The following RALGPS2 variants were observed in gnomAD, a reference collection of about 807,000 sequenced individuals.
RALGPS2 encodes Ral GEF with PH domain and SH3 binding motif 2, also known as ras-specific guanine nucleotide-releasing factor RalGPS2.
A neutral mutation model predicts 86.8 loss-of-function variants in RALGPS2; 43 were observed. That is an observed-to-expected ratio of 0.50 (90% CI 0.39 to 0.64). The LOEUF (loss-of-function observed/expected upper bound fraction) is 0.64, where lower values mean the gene tolerates loss of function less well. Ranked by LOEUF, RALGPS2 falls within the 30% of genes least tolerant of loss-of-function variation. RALGPS2 has a pLI of 0.00. For synonymous variants in RALGPS2, 243 were observed against 231.3 expected, an observed-to-expected ratio of 1.05 and a Z score of -0.46; for missense variants, 536 against 694.6, an observed-to-expected ratio of 0.77 and a Z score of 2.57.
intron 8 of RALGPS2, among the ~76,000 whole-genome samples, chr1:178,872,478 G>T (rs897959308): frequency 3.9e-5 from 6 of 152,184 alleles, no homozygotes; most frequent in African/African-American, 1.4e-4. Flanking sequence ...CACCTTCTCA[G>T]CTGTGCTTGT....
Position 178,885,964 on chromosome 1 carries a change from TCTAG to T in RALGPS2, c.1041-4_1041-1del. 6.3e-7 allele frequency: 1 copy of T among 1,578,058 alleles called. No homozygotes were observed. Among genetic ancestry groups the T allele is most frequent in the Non-Finnish European group, 8.6e-7 (1 of 1,165,876 alleles). On this transcript the variant is annotated splice_acceptor_variant and splice_polypyrimidine_tract_variant and intron_variant, in intron 12 of 19. Coordinates refer to ENST00000367635, the MANE Select transcript of RALGPS2 (RefSeq NM_152663.5). LOFTEE classifies it high-confidence loss of function. ...AAAGATATGAACTTTTTTTTCTGTT[TCTAG>T]TTTCATTCATAAAATGAACACAGCA...
In RALGPS2 at chr1:178,725,254, C is replaced by T; in HGVS notation, c.-249C>T. Reference sequence around the variant, plus strand: ...GGGTGGTTCCAGCTCACTCTCCTCCCCCGAGCGGCAGCGGCGGCGGCGGCG... The same window carrying T: ...GGGTGGTTCCAGCTCACTCTCCTCCTCCGAGCGGCAGCGGCGGCGGCGGCG... On this transcript the variant is annotated 5_prime_UTR_variant, in exon 1 of 20. Transcript: ENST00000367635. The T allele has an allele frequency of 8.4e-6, 1 of 118,662 alleles. No homozygotes were observed. The highest frequency in any genetic ancestry group is 1.5e-5 in the Non-Finnish European group (1 of 65,052). The allele number at this position is 118,662 out of a possible 1,614,324, so 7.4% of individuals were successfully genotyped here. A position where few individuals can be genotyped will look rare whatever the true frequency, so the allele number is the denominator to read the frequency against.
rs563099792 is a variant in RALGPS2 at position 178,745,044 on chromosome 1, A to G, written c.-84+19625A>G. The stretch of plus-strand genomic sequence containing the variant: ...TTGGAAATTGAAATGTAATAAAACC[A>G]GTACTATTGATAATAGTATCAGATA... On this transcript the variant is annotated intron_variant, in intron 1 of 19. Transcript: ENST00000367635. 1.9e-3 allele frequency among the ~76,000 whole-genome samples: 289 copies of G among 152,338 alleles called. 1 individual carries two copies. The highest frequency in any genetic ancestry group is 6.6e-3 in the African/African-American group (274 of 41,572).
In RALGPS2 at chr1:178,921,710, C is replaced by G. The variant is rs1647330201; in HGVS notation, c.*5351C>G. 1 of 152,050 alleles carries G rather than the reference C, an allele frequency of 6.6e-6. No homozygotes were observed. The highest frequency in any genetic ancestry group is 2.1e-4 in the South Asian group (1 of 4,832). The allele number at this position is 152,050 out of a possible 1,614,324, so 9.4% of individuals were successfully genotyped here. A position where few individuals can be genotyped will look rare whatever the true frequency, so the allele number is the denominator to read the frequency against. The stretch of plus-strand genomic sequence containing the variant: ...GAGTGATGTGCAGCTTGGTTCCTCT[C>G]TCACTTTTTGTTTCTTTTTAATATG... On this transcript the variant is annotated 3_prime_UTR_variant, in exon 20 of 20. Coordinates refer to ENST00000367635, the MANE Select transcript of RALGPS2 (RefSeq NM_152663.5).
intron 16 of RALGPS2, among the ~76,000 whole-genome samples, chr1:178,896,911 G>C (rs531167923): frequency 2.0e-5 from 3 of 149,566 alleles, no homozygotes; most frequent in Admixed American, 2.0e-4. Flanking sequence ...GAATAATGCC[G>C]CAATAAACAT....
intron 2 of RALGPS2, among the ~76,000 whole-genome samples, chr1:178,783,045 A>G (rs1296856695): frequency 6.6e-6 from 1 of 152,208 alleles, no homozygotes. Context: ...AGATTTCACA[A>G]TTATCAGACT....
Position 178,877,600 on chromosome 1 carries a change from G to A in RALGPS2, c.710G>A (p.Arg237Gln). ...TCAAATTTAATGAATAATATCCTTCGAATAATTTCTGATTTACAGCAGTCT... is the reference window on the plus strand; with the variant it reads ...TCAAATTTAATGAATAATATCCTTCAAATAATTTCTGATTTACAGCAGTCT... ...QRSNLMNNIL[R>Q]IISDLQQSCE... Residue 237 changes from arginine to glutamine, a missense_variant, in exon 9 of 20, where the codon CGA (arginine) becomes CAA (glutamine). Coordinates refer to ENST00000367635, the MANE Select transcript of RALGPS2 (RefSeq NM_152663.5). 1 of 1,613,210 alleles carries A rather than the reference G, an allele frequency of 6.2e-7. No homozygotes were observed. Among genetic ancestry groups the A allele is most frequent in the Non-Finnish European group, 8.5e-7 (1 of 1,179,484 alleles).
intron 8 of RALGPS2, among the ~76,000 whole-genome samples, chr1:178,874,231 G>A (rs866877857): frequency 3.3e-5 from 5 of 152,264 alleles, no homozygotes; most frequent in Middle Eastern, 3.4e-3. Flanking sequence ...TATTGATGAT[G>A]TCGTAGTTCT....
chr1:178,851,782 C>T (rs1228594595), intron 8 of RALGPS2, among the ~76,000 whole-genome samples: 2 of 152,042 alleles, frequency 1.3e-5, no homozygotes, highest in Non-Finnish European at 2.9e-5. Flanking sequence ...CCTCTTTTCT[C>T]GTTTACCAGT....
chr1:178,753,161 G>T (rs1037131296), intron 1 of RALGPS2, among the ~76,000 whole-genome samples: 1 of 152,196 alleles, frequency 6.6e-6, no homozygotes, highest in Non-Finnish European at 1.5e-5. Flanking sequence ...CATGACCTTG[G>T]CATTGGATTG....
chr1:178,856,196 G>GATAGAT (rs1449088390), intron 8 of RALGPS2, among the ~76,000 whole-genome samples: 8 of 41,054 alleles, frequency 1.9e-4, no homozygotes, highest in African/African-American at 7.2e-4. Flanking sequence ...TTTCCAGAGA[G>GATAGAT]AGAGAGATAT....
intron 8 of RALGPS2, among the ~76,000 whole-genome samples, chr1:178,840,151 C>T (rs1656517745): frequency 6.6e-6 from 1 of 152,172 alleles, no homozygotes; most frequent in Admixed American, 6.5e-5. Context: ...CCAAGCAGAC[C>T]TAATAGACAT....
chr1:178,759,967 T>C (rs1387401551), intron 1 of RALGPS2, among the ~76,000 whole-genome samples: 2 of 152,218 alleles, frequency 1.3e-5, no homozygotes, highest in Non-Finnish European at 2.9e-5. Context: ...TGTTTATCAG[T>C]CCTAATAGTT....
chr1:178,914,588 G>C (rs1324781001), intron 19 of RALGPS2, among the ~76,000 whole-genome samples: 1 of 151,840 alleles, frequency 6.6e-6, no homozygotes, highest in Non-Finnish European at 1.5e-5. Flanking sequence ...GGAGTATGCT[G>C]GTCTACTAGA....
chr1:178,858,883 C>T (rs891500156), intron 8 of RALGPS2, among the ~76,000 whole-genome samples: 26 of 152,142 alleles, frequency 1.7e-4, no homozygotes, highest in South Asian at 2.1e-4. Flanking sequence ...TTACAGATTA[C>T]AAAGAGAATC....
intron 1 of RALGPS2, among the ~76,000 whole-genome samples, chr1:178,769,452 C>A (rs1425746296): frequency 1.6e-4 from 25 of 151,888 alleles, no homozygotes; most frequent in Non-Finnish European, 2.8e-4. Context: ...GAAAGGGATG[C>A]TCTGAATACC....
chr1:178,745,349 G>A (rs1429063484), intron 1 of RALGPS2, among the ~76,000 whole-genome samples: 1 of 152,174 alleles, frequency 6.6e-6, no homozygotes, highest in African/African-American at 2.4e-5. Context: ...AACAAAGTTG[G>A]AGGTCTAATG....
At chr1:178,807,956 A>C in intron 4 of RALGPS2, 89 bp from the exon 5 acceptor site, 1 of 820,126 alleles carries the variant, frequency 1.2e-6, no homozygotes, top group African/African-American at 1.7e-5. Flanking sequence ...AGAAAAGAAC[A>C]CAAACTGTCT....
intron 18 of RALGPS2, among the ~76,000 whole-genome samples, chr1:178,902,544 A>G (rs1302624938): frequency 1.3e-5 from 2 of 152,092 alleles, no homozygotes; most frequent in Admixed American, 6.6e-5. Context: ...TTGAGAATAT[A>G]TACCCCATTG....
Sources: gnomAD v4.1 joint callset for allele counts (sites outside exome capture counted in the v4.1 genomes callset) on GRCh38, gnomAD v4.1.1 for gene constraint, MANE v1.5 for transcripts, NCBI Gene and HGNC (gene_info 2026-07-23, HGNC 2026-07-21) for gene names.